TSPAN18: variants seen among roughly 807,000 people sequenced by gnomAD.
TSPAN18 encodes the protein tetraspanin 18.
A neutral mutation model predicts 27.3 loss-of-function variants in TSPAN18; 14 were observed. The ratio of observed to expected loss-of-function variants is 0.51; its 90% confidence interval spans 0.34 to 0.80. TSPAN18 has a LOEUF of 0.80. Among genes scored for constraint, TSPAN18 ranks in the 30% least tolerant of loss-of-function variants. The pLI, the probability that TSPAN18 is intolerant of heterozygous loss-of-function variation, is 0.01. For missense variants in TSPAN18, 268 were observed against 323.9 expected (o/e 0.83, Z 1.32); for synonymous variants, 143 against 136.5 (o/e 1.05, Z -0.33).
At chr11:44,805,793 G>T (rs1360802487) in intron 2 of TSPAN18, among the ~76,000 whole-genome samples, 1 of 152,136 alleles carries the variant, frequency 6.6e-6, no homozygotes, top group Non-Finnish European at 1.5e-5. Flanking sequence ...TCTGTGGGTT[G>T]CTGGCAATCT....
chr11:44,886,459 T>A (rs1264774834), intron 3 of TSPAN18: 1 of 152,248 alleles, frequency 6.6e-6, no homozygotes, highest in African/African-American at 2.4e-5. Flanking sequence ...ACTGCTTAAC[T>A]TCTCTGGGCA....
chr11:44,873,778 A>G (rs1858255634), intron 3 of TSPAN18, among the ~76,000 whole-genome samples: 1 of 152,198 alleles, frequency 6.6e-6, no homozygotes, highest in African/African-American at 2.4e-5. Context: ...TGTTACCTGG[A>G]TACAGAGGCA....
chr11:44,771,108 G>A (rs190738268), intron 2 of TSPAN18, among the ~76,000 whole-genome samples: 3 of 152,264 alleles, frequency 2.0e-5, no homozygotes, highest in Admixed American at 2.0e-4. Flanking sequence ...TGACCATAAT[G>A]AGATCACTCA....
Position 44,918,033 on chromosome 11 carries a change from T to A in TSPAN18, c.320T>A (p.Ile107Asn), listed in dbSNP as rs1412229724. 2 of 1,614,052 alleles carry A rather than the reference T, an allele frequency of 1.2e-6. No homozygotes were observed. The highest frequency in any genetic ancestry group is 4.5e-5 in the East Asian group (2 of 44,874). ...CTCTCAGCAGCCATCCTGGCCTTCA[T>A]CTTCAGGGAAAATGTACGTATCAGG... is the stretch of plus-strand genomic sequence containing the variant. The part of the protein sequence containing the change: ...AELSAAILAF[I>N]FRENLTREFF... The change falls in exon 6 of 10, where the codon ATC becomes AAC. Residue 107 changes from isoleucine (I) to asparagine (N), a missense_variant. Physicochemically the swap from Ile to Asn is moderately radical, Grantham distance 149 (BLOSUM62 -3). Coordinates refer to ENST00000520358, the MANE Select transcript of TSPAN18 (RefSeq NM_130783.5).
chr11:44,727,801 G>GGCGGA (rs1462757000), intron 1 of TSPAN18, among the ~76,000 whole-genome samples: 1 of 152,220 alleles, frequency 6.6e-6, no homozygotes, highest in Non-Finnish European at 1.5e-5. Flanking sequence ...GGCGGGGCGG[G>GGCGGA]GCGGAGGCGC....
At chr11:44,757,933 T>C (rs192358261) in intron 1 of TSPAN18, among the ~76,000 whole-genome samples, 91 of 152,364 alleles carry the variant, frequency 6.0e-4, no homozygotes, top group Admixed American at 1.3e-3. Flanking sequence ...TTTGCTCTGT[T>C]TGTATTGTCT....
chr11:44,795,611 G>A (rs1482678155), intron 2 of TSPAN18, among the ~76,000 whole-genome samples: 3 of 152,002 alleles, frequency 2.0e-5, no homozygotes, highest in African/African-American at 7.3e-5. Context: ...CCAGGGATGA[G>A]TTCACACCCT....
intron 1 of TSPAN18, among the ~76,000 whole-genome samples, chr11:44,730,677 G>T (rs1485285036): frequency 1.3e-5 from 2 of 151,076 alleles, no homozygotes; most frequent in Non-Finnish European, 2.9e-5. Flanking sequence ...AGGCTGGAGT[G>T]CAGTGGTGCG....
chr11:44,872,875 A>G, intron 3 of TSPAN18, among the ~76,000 whole-genome samples: 1 of 152,312 alleles, frequency 6.6e-6, no homozygotes, highest in African/African-American at 2.4e-5. Flanking sequence ...GCCTGGGCAC[A>G]GGGTGCCTGT....
intron 3 of TSPAN18, among the ~76,000 whole-genome samples, chr11:44,863,845 A>G (rs992607290): frequency 2.0e-5 from 3 of 152,210 alleles, no homozygotes; most frequent in South Asian, 2.1e-4. Context: ...TGAATGACAG[A>G]AAGTGCTTAA....
chr11:44,903,909 A>G (rs1859359825), intron 3 of TSPAN18: 1 of 456,482 alleles, frequency 2.2e-6, no homozygotes. Context: ...TAAGGATAAT[A>G]AGAGTATTAA....
intron 2 of TSPAN18, among the ~76,000 whole-genome samples, chr11:44,855,941 G>A (rs1194462167): frequency 6.6e-6 from 1 of 151,928 alleles, no homozygotes; most frequent in Non-Finnish European, 1.5e-5. Flanking sequence ...GGAGTGCAGT[G>A]GTGTGATCTC....
intron 8 of TSPAN18, among the ~76,000 whole-genome samples, chr11:44,922,117 A>ATTGT (rs1188611777): frequency 0.021 from 2,761 of 131,372 alleles, 116 homozygotes; most frequent in East Asian, 0.15. Flanking sequence ...CCCAGGATGC[A>ATTGT]TTTTTTTTTT....
In TSPAN18 at chr11:44,742,397, GTTCC is replaced by G. The variant is rs563924816; in HGVS notation, c.-240+15115_-240+15118del. Among the ~76,000 whole-genome samples the G allele has an allele frequency of 3.6e-3, 453 of 126,754 alleles. 2 individuals carry two copies. Among genetic ancestry groups the G allele is most frequent in the African/African-American group, 0.013 (433 of 33,324 alleles). 83.2% of individuals were successfully genotyped at this position (126,754 alleles called of 152,430 possible). On this transcript the variant is annotated intron_variant, in intron 1 of 9. Coordinates refer to ENST00000520358, the MANE Select transcript of TSPAN18 (RefSeq NM_130783.5). ...CCCTCCCCCATTTTTTCTTTTCTTC[GTTCC>G]TTCCCTCCCTTCCTTCCTCCCTCCC...
chr11:44,904,769 G>A (rs1392943741), intron 3 of TSPAN18, among the ~76,000 whole-genome samples: 3 of 152,180 alleles, frequency 2.0e-5, no homozygotes, highest in African/African-American at 7.2e-5. Flanking sequence ...ATACGAGGGT[G>A]CTGGTCTGGC....
intron 1 of TSPAN18, among the ~76,000 whole-genome samples, chr11:44,755,345 A>AC: frequency 6.6e-6 from 1 of 152,170 alleles, no homozygotes; most frequent in African/African-American, 2.4e-5. Context: ...CCCCACTGAG[A>AC]CCCTGAGGCA....
At chr11:44,751,580 TTC>T (rs2134856252) in intron 1 of TSPAN18, among the ~76,000 whole-genome samples, 1 of 152,238 alleles carries the variant, frequency 6.6e-6, no homozygotes, top group Non-Finnish European at 1.5e-5. Context: ...GTGCGATTGT[TTC>T]TGCGTTTAAA....
At chr11:44,893,789 A>G (rs1477291850) in intron 3 of TSPAN18, among the ~76,000 whole-genome samples, 2 of 152,158 alleles carry the variant, frequency 1.3e-5, no homozygotes, top group African/African-American at 4.8e-5. Flanking sequence ...AACGCCCATA[A>G]TACATTGCCT....
At chr11:44,735,838 C>T (rs920956744) in intron 1 of TSPAN18, among the ~76,000 whole-genome samples, 7 of 152,074 alleles carry the variant, frequency 4.6e-5, no homozygotes, top group Non-Finnish European at 1.0e-4. Flanking sequence ...AGGATGGTCT[C>T]GATCTCCTGA....
Sources: gnomAD v4.1 joint callset for allele counts (sites outside exome capture counted in the v4.1 genomes callset) on GRCh38, gnomAD v4.1.1 for gene constraint, MANE v1.5 for transcripts, NCBI Gene and HGNC (gene_info 2026-07-23, HGNC 2026-07-21) for gene names.